The following GRID2 variants were observed in gnomAD, a reference collection of about 807,000 sequenced individuals.
GRID2 encodes the protein glutamate receptor ionotropic, delta-2.
A neutral mutation model predicts 114.8 loss-of-function variants in GRID2; 33 were observed. The ratio of observed to expected loss-of-function variants is 0.29; its 90% CI spans 0.22 to 0.38. GRID2 has a LOEUF of 0.38. Ranked by LOEUF, GRID2 falls within the 10% of genes least tolerant of loss-of-function variation. The pLI is 1.00. For missense variants in GRID2, 1,184 were observed against 1,257.7 expected, an observed-to-expected ratio of 0.94 and a Z score of 0.89; for synonymous variants, 505 against 449.9, an observed-to-expected ratio of 1.12 and a Z score of -1.55.
chr4:93,668,804 G>A (rs557335540), intron 14 of GRID2, among the ~76,000 whole-genome samples: 2 of 152,134 alleles, frequency 1.3e-5, no homozygotes, highest in East Asian at 3.9e-4. Flanking sequence ...GTGCATGGGA[G>A]TGAATTTCCT....
At chr4:93,108,331 C>G (rs1341044131) in intron 3 of GRID2, among the ~76,000 whole-genome samples, 1 of 152,150 alleles carries the variant, frequency 6.6e-6, no homozygotes, top group Non-Finnish European at 1.5e-5. Context: ...GTGCTCCTAG[C>G]TCCTAGTATT....
intron 1 of GRID2, among the ~76,000 whole-genome samples, chr4:92,444,830 G>A (rs2149072169): frequency 6.6e-6 from 1 of 152,262 alleles, no homozygotes; most frequent in East Asian, 1.9e-4. Flanking sequence ...ACATATTTTT[G>A]GAGGATTGAT....
chr4:93,787,617 C>A (rs1159779808), intron 1 of GRID2, among the ~76,000 whole-genome samples: 1 of 152,146 alleles, frequency 6.6e-6, no homozygotes, highest in Non-Finnish European at 1.5e-5. Flanking sequence ...ACCTACTGGT[C>A]ATTGTCTTTC....
chr4:93,423,281 C>A (rs1474995410), intron 10 of GRID2, among the ~76,000 whole-genome samples: 4 of 149,546 alleles, frequency 2.7e-5, no homozygotes, highest in African/African-American at 9.8e-5. Context: ...GTATATGATA[C>A]GTGATGAAAT....
intron 1 of GRID2, among the ~76,000 whole-genome samples, chr4:92,419,958 A>T (rs1455525474): frequency 1.3e-5 from 2 of 152,246 alleles, no homozygotes; most frequent in African/African-American, 2.4e-5. Context: ...ATGAAATTTC[A>T]TCAAAGTTTC....
At chr4:93,081,317 A>G (rs1179490794) in intron 2 of GRID2, among the ~76,000 whole-genome samples, 1 of 152,196 alleles carries the variant, frequency 6.6e-6, no homozygotes, top group Non-Finnish European at 1.5e-5. Context: ...AAATTTTTTA[A>G]CTCTTTATGC....
chr4:92,629,029 T>C (rs1453004788), intron 2 of GRID2, among the ~76,000 whole-genome samples: 1 of 151,984 alleles, frequency 6.6e-6, no homozygotes, highest in Non-Finnish European at 1.5e-5. Flanking sequence ...AAATATCACT[T>C]GATGTTTCTT....
chr4:93,123,055 T>G (rs964682833), intron 4 of GRID2, among the ~76,000 whole-genome samples: 32 of 152,088 alleles, frequency 2.1e-4, no homozygotes, highest in African/African-American at 7.5e-4. Context: ...AAGGTTTCTC[T>G]GAACATGGAA....
At chr4:93,519,051 T>G (rs1273097594) in intron 13 of GRID2, among the ~76,000 whole-genome samples, 1 of 152,124 alleles carries the variant, frequency 6.6e-6, no homozygotes, top group East Asian at 1.9e-4. Context: ...TAGACTCTTA[T>G]GCCCCTATCC....
At chr4:92,563,514 G>A (rs942069663) in intron 1 of GRID2, among the ~76,000 whole-genome samples, 2 of 152,060 alleles carry the variant, frequency 1.3e-5, no homozygotes, top group Non-Finnish European at 2.9e-5. Context: ...AAAATAGCAG[G>A]AGAGGATTAT....
intron 10 of GRID2, among the ~76,000 whole-genome samples, chr4:93,435,849 T>A (rs1721030426): frequency 6.6e-6 from 1 of 152,154 alleles, no homozygotes; most frequent in African/African-American, 2.4e-5. Flanking sequence ...ATCTGATATA[T>A]GAGTCTGGAG....
intron 1 of GRID2, among the ~76,000 whole-genome samples, chr4:92,533,347 T>G (rs1725446207): frequency 6.6e-6 from 1 of 151,972 alleles, no homozygotes; most frequent in Non-Finnish European, 1.5e-5. Flanking sequence ...TTTCTTAGCT[T>G]TTGTCCAAGA....
At chr4:92,631,734 A>G (rs772159782) in intron 2 of GRID2, among the ~76,000 whole-genome samples, 46 of 152,278 alleles carry the variant, frequency 3.0e-4, no homozygotes, top group South Asian at 6.2e-4. Flanking sequence ...TCAACTCTGC[A>G]TGGAAAGTAT....
chr4:93,523,865 A>G (rs1240325424), intron 13 of GRID2, among the ~76,000 whole-genome samples: 1 of 152,152 alleles, frequency 6.6e-6, no homozygotes. Context: ...CACAAAGGAA[A>G]AAAGGCTGTG....
chr4:93,735,190 T>A (rs1560957561), intron 14 of GRID2, among the ~76,000 whole-genome samples: 1 of 151,876 alleles, frequency 6.6e-6, no homozygotes, highest in African/African-American at 2.4e-5. Flanking sequence ...AAAATGTTGT[T>A]CTATAACTAA....
At chr4:92,927,821 G>C (rs115208590) in intron 2 of GRID2, among the ~76,000 whole-genome samples, 1 of 151,490 alleles carries the variant, frequency 6.6e-6, no homozygotes, top group Admixed American at 6.6e-5. Context: ...TCAATGATGA[G>C]GATTAATTGA....
intron 2 of GRID2, among the ~76,000 whole-genome samples, chr4:92,900,414 C>T (rs927615963): frequency 6.6e-6 from 1 of 152,218 alleles, no homozygotes; most frequent in Non-Finnish European, 1.5e-5. Context: ...ACCCTCCTCT[C>T]ACCTTCCCAC....
At chr4:92,511,497 A>ATTAG (rs1320027518) in intron 1 of GRID2, among the ~76,000 whole-genome samples, 1 of 151,906 alleles carries the variant, frequency 6.6e-6, no homozygotes, top group Non-Finnish European at 1.5e-5. Flanking sequence ...AGGGGTCACT[A>ATTAG]TTAGTTACAT....
intron 4 of GRID2, among the ~76,000 whole-genome samples, chr4:93,142,931 A>C (rs1410525735): frequency 2.6e-5 from 4 of 152,220 alleles, no homozygotes; most frequent in Non-Finnish European, 4.4e-5. Context: ...TAGTATCAGC[A>C]TTCACGTTGG....
Sources: gnomAD v4.1 joint callset for allele counts (sites outside exome capture counted in the v4.1 genomes callset) on GRCh38, gnomAD v4.1.1 for gene constraint, MANE v1.5 for transcripts, NCBI Gene and HGNC (gene_info 2026-07-23, HGNC 2026-07-21) for gene names.